MDGA2: variants seen among roughly 807,000 people sequenced by gnomAD.
The protein encoded by MDGA2 is MAM domain-containing glycosylphosphatidylinositol anchor protein 2.
Under a neutral mutation model 117.8 loss-of-function variants are expected in MDGA2, and 40 were observed. That is an observed-to-expected ratio of 0.34 (90% CI 0.26 to 0.44). The LOEUF is 0.44. MDGA2 is among the 20% of genes least tolerant of loss of function. The pLI is 1.00. For synonymous variants in MDGA2, 452 were observed against 439.0 expected (o/e 1.03, Z -0.37); for missense variants, 1,123 against 1,250.6 (o/e 0.90, Z 1.54).
intron 10 of MDGA2, among the ~76,000 whole-genome samples, chr14:46,898,794 G>C (rs558365318): frequency 6.6e-6 from 1 of 152,022 alleles, no homozygotes; most frequent in African/African-American, 2.4e-5. Context: ...TTTCATTAAG[G>C]TCAGACAACT....
chr14:46,979,552 G>C (rs1161836062), intron 8 of MDGA2, among the ~76,000 whole-genome samples: 1 of 152,158 alleles, frequency 6.6e-6, no homozygotes, highest in Non-Finnish European at 1.5e-5. Flanking sequence ...AATTAAAAGT[G>C]CTACTCCAGG....
In MDGA2 at chr14:47,218,011, A is replaced by T; in HGVS notation, c.595+10T>A. 1 of 1,505,712 alleles carries T rather than the reference A, an allele frequency of 6.6e-7. No homozygotes were observed. The highest frequency in any genetic ancestry group is 8.9e-7 in the Non-Finnish European group (1 of 1,124,016). The allele number at this position is 1,505,712 out of a possible 1,614,324, so 93.3% of individuals were successfully genotyped here. A position where few individuals can be genotyped will look rare whatever the true frequency, so the allele number is the denominator to read the frequency against. The stretch of plus-strand genomic sequence containing the variant: ...AGGCTTAATTATAGTTTTCTGGAAA[A>T]TTTACTTACAGTATACATCCACTCT... On this transcript the variant is annotated intron_variant, in intron 3 of 16. Coordinates refer to ENST00000399232, the MANE Select transcript of MDGA2 (RefSeq NM_001113498.3).
chr14:47,540,022 C>A (rs1895305822), intron 1 of MDGA2, among the ~76,000 whole-genome samples: 1 of 149,588 alleles, frequency 6.7e-6, no homozygotes, highest in South Asian at 2.1e-4. Flanking sequence ...TTTTCTTTTT[C>A]TTTTTTTTTT....
In MDGA2 at chr14:47,382,565, G is replaced by A. The variant is rs540357087; in HGVS notation, c.281-81015C>T. Among the ~76,000 whole-genome samples the A allele has an allele frequency of 2.4e-4, 37 of 152,166 alleles. No individual in the cohort carries two copies. The East Asian group carries it at 3.3e-3, about 14-fold the overall frequency. ...TGAAGGATATGAACAGACACTTCTC[G>A]AAAGAAGACATTTATGCAGTCAACA... On this transcript the variant is annotated intron_variant, in intron 1 of 16. Coordinates refer to ENST00000399232, the MANE Select transcript of MDGA2 (RefSeq NM_001113498.3).
chr14:47,026,404 T>G (rs562645562), intron 8 of MDGA2, among the ~76,000 whole-genome samples: 1 of 152,130 alleles, frequency 6.6e-6, no homozygotes, highest in African/African-American at 2.4e-5. Context: ...TATTTTTTTC[T>G]AATCAAAGAC....
Position 47,105,896 on chromosome 14 carries a change from C to G in MDGA2, c.926-8773G>C, listed in dbSNP as rs941091497. Among the ~76,000 whole-genome samples, 222 of 152,078 alleles carry G rather than the reference C, an allele frequency of 1.5e-3. 1 individual carries two copies. Among genetic ancestry groups the G allele is most frequent in the Non-Finnish European group, 1.3e-3 (91 of 68,012 alleles). The stretch of plus-strand genomic sequence containing the variant: ...CTAGGTCCCAATTCTTTCTCAGCCT[C>G]TGCTCCTCCACCCTATAATCTTTTT... On this transcript the variant is annotated intron_variant, in intron 5 of 16. Transcript: ENST00000399232.
At chr14:47,494,770 T>C (rs1005762802) in intron 1 of MDGA2, among the ~76,000 whole-genome samples, 1 of 151,874 alleles carries the variant, frequency 6.6e-6, no homozygotes, top group African/African-American at 2.4e-5. Flanking sequence ...GCACCATTTA[T>C]TGAATAGGGT....
At position 47,220,011 on chromosome 14, in the gene MDGA2, G is replaced by T. The variant is rs1418087867; in HGVS notation, c.421-1816C>A. On this transcript the variant is annotated intron_variant, in intron 2 of 16. Coordinates refer to ENST00000399232, the MANE Select transcript of MDGA2 (RefSeq NM_001113498.3). ...AGAAGCAAATATTGTTTATTGTAAA[G>T]AAGTTTTAAAAATGAAACAATTCTC... Among the ~76,000 whole-genome samples the T allele has an allele frequency of 2.0e-5, 3 of 151,906 alleles. No individual in the cohort carries two copies. In the South Asian group the frequency reaches 6.3e-4, roughly 32 times the overall value.
rs1880547528 is a variant in MDGA2 at position 46,840,107 on chromosome 14, G to C, written c.*1824C>G. 1 of 152,462 alleles carries C rather than the reference G, an allele frequency of 6.6e-6. No individual in the cohort carries two copies. The highest frequency in any genetic ancestry group is 2.4e-5 in the African/African-American group (1 of 41,444). The allele number at this position is 152,462 out of a possible 1,614,324, so 9.4% of individuals were successfully genotyped here. ...CTGCTTGTCATACCTTACCTGGAAA[G>C]AGGCTTTATTGAACATAGCTGTAAA... is the stretch of plus-strand genomic sequence containing the variant. On this transcript the variant is annotated 3_prime_UTR_variant, in exon 17 of 17. Transcript: ENST00000399232.
chr14:47,106,029 G>A (rs1325527488), intron 5 of MDGA2, among the ~76,000 whole-genome samples: 2 of 151,964 alleles, frequency 1.3e-5, no homozygotes, highest in African/African-American at 4.8e-5. Flanking sequence ...GGTGGCTGGA[G>A]CTAAAGGAAT....
intron 11 of MDGA2, among the ~76,000 whole-genome samples, chr14:46,879,108 T>C (rs372596320): frequency 1.3e-5 from 2 of 152,200 alleles, no homozygotes; most frequent in African/African-American, 4.8e-5. Flanking sequence ...CCCAATGTGA[T>C]TGTATTTGGG....
chr14:47,645,240 T>C (rs1390930882), intron 1 of MDGA2, among the ~76,000 whole-genome samples: 1 of 152,074 alleles, frequency 6.6e-6, no homozygotes, highest in Non-Finnish European at 1.5e-5. Context: ...ACAATTCTTA[T>C]AATTCAATCC....
chr14:47,252,562 T>G (rs8006555), intron 2 of MDGA2, among the ~76,000 whole-genome samples: 41,458 of 152,104 alleles, frequency 0.27, 6,482 homozygotes, highest in Admixed American at 0.46. Flanking sequence ...TTGAATCTGT[T>G]AATTTACTAT....
chr14:47,669,832 C>T (rs1306024316), intron 1 of MDGA2, among the ~76,000 whole-genome samples: 1 of 152,088 alleles, frequency 6.6e-6, no homozygotes, highest in Non-Finnish European at 1.5e-5. Flanking sequence ...AGTATCTCAT[C>T]ACACGGCCTC....
intron 3 of MDGA2, among the ~76,000 whole-genome samples, chr14:47,173,435 A>G (rs1884275185): frequency 6.6e-6 from 1 of 152,234 alleles, no homozygotes; most frequent in African/African-American, 2.4e-5. Flanking sequence ...AGCACATCAG[A>G]CTAACAGCGG....
chr14:46,856,606 T>C (rs1264168121), intron 14 of MDGA2, among the ~76,000 whole-genome samples: 3 of 152,074 alleles, frequency 2.0e-5, no homozygotes, highest in Non-Finnish European at 4.4e-5. Flanking sequence ...ATATTGATGA[T>C]ATTTATGTTA....
intron 1 of MDGA2, among the ~76,000 whole-genome samples, chr14:47,556,415 G>C (rs1472553998): frequency 6.6e-6 from 1 of 152,174 alleles, no homozygotes; most frequent in Admixed American, 6.5e-5. Flanking sequence ...GGTCAGGAAT[G>C]ATCTTCTCAG....
chr14:46,863,048 C>T (rs996326250), intron 14 of MDGA2, among the ~76,000 whole-genome samples: 15 of 152,116 alleles, frequency 9.9e-5, no homozygotes, highest in Middle Eastern at 3.4e-3. Context: ...AGATCCCTTA[C>T]GCTGACCTTT....
At chr14:47,673,313 G>C (rs1053520535) in intron 1 of MDGA2, among the ~76,000 whole-genome samples, 6 of 152,148 alleles carry the variant, frequency 3.9e-5, no homozygotes, top group African/African-American at 1.4e-4. Context: ...GGGTCTGCAG[G>C]GAAAGCTCTG....
Sources: gnomAD v4.1 joint callset for allele counts (sites outside exome capture counted in the v4.1 genomes callset) on GRCh38, gnomAD v4.1.1 for gene constraint, MANE v1.5 for transcripts, NCBI Gene and HGNC (gene_info 2026-07-23, HGNC 2026-07-21) for gene names.